The following SMARCA1 variants were observed in gnomAD, a reference collection of about 807,000 sequenced individuals.
The protein encoded by SMARCA1 is SWI/SNF-related matrix-associated actin-dependent regulator of chromatin subfamily A member 1.
A neutral mutation model predicts 93.6 loss-of-function variants in SMARCA1; 17 were observed. The ratio of observed to expected loss-of-function variants is 0.18; its 90% CI spans 0.12 to 0.27. The LOEUF is 0.27. Ranked by LOEUF, SMARCA1 falls within the 10% of genes least tolerant of loss-of-function variation. The pLI is 1.00. For missense variants in SMARCA1, 630 were observed against 819.0 expected (o/e 0.77, Z 2.82); for synonymous variants, 271 against 271.4 (o/e 1.00, Z 0.01).
chrX:129,454,662 T>C (rs1405564198), intron 23 of SMARCA1, among the ~76,000 whole-genome samples: 1 of 111,794 alleles, frequency 8.9e-6, no homozygotes, highest in Non-Finnish European at 1.9e-5. Context: ...TTATTATTAT[T>C]ATACTTTAAG....
intron 12 of SMARCA1, among the ~76,000 whole-genome samples, chrX:129,493,697 T>G (rs758667996): frequency 7.4e-4 from 83 of 112,008 alleles, no homozygotes; most frequent in Non-Finnish European, 6.8e-4. Flanking sequence ...TGGAGAAAAT[T>G]ATACCAATAC....
Position 129,503,088 on chromosome X carries a change from A to C in SMARCA1, c.1167+1646T>G, listed in dbSNP as rs1432043325. Among the ~76,000 whole-genome samples, 5 of 111,972 alleles carry C rather than the reference A, an allele frequency of 4.5e-5. No homozygotes were observed. In the East Asian group the frequency reaches 1.4e-3, roughly 31 times the overall value. ...ATGTCTTCTTTTTTCTTTTTGAGAA[A>C]GGAATGATGTTACCTGATGAGGGAG... is the stretch of plus-strand genomic sequence containing the variant. On this transcript the variant is annotated intron_variant, in intron 9 of 24. Transcript: ENST00000371121.
chrX:129,515,546 T>C (rs1935166175), intron 5 of SMARCA1, 141 bp downstream of exon 5: 1 of 476,204 alleles, frequency 2.1e-6, no homozygotes, highest in African/African-American at 2.4e-5. Context: ...ATAATAATTC[T>C]AAGACTACAA....
Position 129,516,313 on chromosome X carries a change from A to G in SMARCA1, c.428+18T>C. 1 of 1,196,966 alleles carries G rather than the reference A, an allele frequency of 8.4e-7. No homozygotes were observed. Among genetic ancestry groups the G allele is most frequent in the Non-Finnish European group, 1.1e-6 (1 of 884,322 alleles). On this transcript the variant is annotated intron_variant, in intron 3 of 24. Transcript: ENST00000371121. ...GTAGGAGAAAGGAAAGAAAGTAGAG[A>G]GAGAGGTGCCAACATACTCTCCAGC... is the stretch of plus-strand genomic sequence containing the variant.
intron 9 of SMARCA1, among the ~76,000 whole-genome samples, chrX:129,503,149 G>A (rs1029095776): frequency 8.9e-6 from 1 of 112,113 alleles, no homozygotes; most frequent in Non-Finnish European, 1.9e-5. Flanking sequence ...AGAAATCTTG[G>A]GGAGACTGGG....
At chrX:129,492,622 A>C (rs184186886) in intron 13 of SMARCA1, among the ~76,000 whole-genome samples, 156 of 111,315 alleles carry the variant, frequency 1.4e-3, no homozygotes, top group African/African-American at 4.5e-3. Context: ...CAGTATGGTA[A>C]CAAGGAACAA....
At chrX:129,508,719 A>G (rs6637612) in intron 6 of SMARCA1, among the ~76,000 whole-genome samples, 13,798 of 112,026 alleles carry the variant, frequency 0.12, 757 homozygotes, top group East Asian at 0.32. Flanking sequence ...ATGGAAAACA[A>G]TGAGACTATT....
chrX:129,467,703 T>C (rs1451820249), intron 21 of SMARCA1, among the ~76,000 whole-genome samples: 1 of 110,923 alleles, frequency 9.0e-6, no homozygotes, highest in African/African-American at 3.3e-5. Context: ...AGCACTAGCA[T>C]GCTAGATAAA....
chrX:129,498,194 T>C, intron 10 of SMARCA1, 123 bp from the exon 11 acceptor site: 1 of 484,622 alleles, frequency 2.1e-6, no homozygotes, highest in Admixed American at 3.2e-5. Context: ...TGAGATTAAA[T>C]CTAATGGGCA....
At chrX:129,489,973 G>T in intron 15 of SMARCA1, 87 bp downstream of exon 15, 1 of 710,800 alleles carries the variant, frequency 1.4e-6, no homozygotes, top group Non-Finnish European at 2.0e-6. Context: ...TCAAATTTTG[G>T]TCAACTTTTA....
At chrX:129,458,289 T>C (rs893184918) in intron 23 of SMARCA1, among the ~76,000 whole-genome samples, 1 of 112,480 alleles carries the variant, frequency 8.9e-6, no homozygotes, top group Non-Finnish European at 1.9e-5. Flanking sequence ...AAGTCATTCT[T>C]TGCTTTCAGG....
At chrX:129,497,545 G>A (rs1189646796) in intron 11 of SMARCA1, among the ~76,000 whole-genome samples, 2 of 111,093 alleles carry the variant, frequency 1.8e-5, no homozygotes, top group Non-Finnish European at 3.8e-5. Flanking sequence ...ACATTGTCCA[G>A]TGCTCACCTC....
At chrX:129,464,021 C>T (rs1932852035) in intron 23 of SMARCA1, among the ~76,000 whole-genome samples, 2 of 112,013 alleles carry the variant, frequency 1.8e-5, no homozygotes, top group African/African-American at 6.5e-5. Flanking sequence ...ATCCATCATT[C>T]CAACTACTCT....
chrX:129,507,920 A>G, intron 7 of SMARCA1, 21 bp downstream of exon 7: 1 of 1,024,287 alleles, frequency 9.8e-7, no homozygotes, highest in Non-Finnish European at 1.3e-6. Context: ...GTAAACTTTA[A>G]TAAAGATATT....
chrX:129,468,055 T>G (rs1438485960), intron 21 of SMARCA1, among the ~76,000 whole-genome samples: 4 of 112,664 alleles, frequency 3.6e-5, no homozygotes, highest in African/African-American at 1.3e-4. Context: ...CACGAAGAGG[T>G]TTCGCCCAGG....
chrX:129,475,909 A>G (rs763758510), intron 19 of SMARCA1, among the ~76,000 whole-genome samples: 1 of 112,401 alleles, frequency 8.9e-6, no homozygotes, highest in Non-Finnish European at 1.9e-5. Context: ...ACAATGACAC[A>G]TTACCAAAAC....
Position 129,447,245 on chromosome X carries a change from A to G in SMARCA1, c.3142-12T>C, listed in dbSNP as rs982816250. The G allele has an allele frequency of 8.8e-7, 1 of 1,136,005 alleles. No homozygotes were observed. The highest frequency in any genetic ancestry group is 1.2e-6 in the Non-Finnish European group (1 of 857,874). The allele number at this position is 1,136,005 out of a possible 1,213,427, so 93.6% of individuals were successfully genotyped here. On this transcript the variant is annotated splice_polypyrimidine_tract_variant and intron_variant, in intron 24 of 24. Coordinates refer to ENST00000371121, the MANE Select transcript of SMARCA1 (RefSeq NM_001282874.2). Reference sequence around the variant, plus strand: ...TTTCTTTTCTGTGACTAAAATGGAAACAGATTTAATGTTCTGCTCCAATAT... The same window carrying G: ...TTTCTTTTCTGTGACTAAAATGGAAGCAGATTTAATGTTCTGCTCCAATAT...
chrX:129,451,317 AG>A (rs1932280320), intron 23 of SMARCA1, among the ~76,000 whole-genome samples: 2 of 111,855 alleles, frequency 1.8e-5, no homozygotes. Flanking sequence ...GTTGGTTTCT[AG>A]GGAGACTAAA....
intron 17 of SMARCA1, among the ~76,000 whole-genome samples, chrX:129,482,527 T>C (rs943703236): frequency 2.7e-5 from 3 of 111,519 alleles, no homozygotes; most frequent in Admixed American, 9.5e-5. Flanking sequence ...TCACTAGTTA[T>C]ATAACTTTGG....
Sources: gnomAD v4.1 joint callset for allele counts (sites outside exome capture counted in the v4.1 genomes callset) on GRCh38, gnomAD v4.1.1 for gene constraint, MANE v1.5 for transcripts, NCBI Gene and HGNC (gene_info 2026-07-23, HGNC 2026-07-21) for gene names.